Variants in OSBPL1A observed in about 807,000 individuals in gnomAD.
The protein encoded by OSBPL1A is oxysterol-binding protein-related protein 1.
OSBPL1A carries 80 observed loss-of-function variants against 137.1 expected under a neutral mutation model. That is an observed-to-expected ratio of 0.58 (90% CI 0.49 to 0.70). The LOEUF is 0.70. Ranked by LOEUF, OSBPL1A falls within the 30% of genes least tolerant of loss-of-function variation. The pLI is 0.00. For synonymous variants in OSBPL1A, 365 were observed against 389.7 expected (o/e 0.94, Z 0.75); for missense variants, 970 against 1,129.4 (o/e 0.86, Z 2.02).
chr18:24,291,001 C>T (rs1331440393), intron 14 of OSBPL1A, among the ~76,000 whole-genome samples: 1 of 152,164 alleles, frequency 6.6e-6, no homozygotes, highest in African/African-American at 2.4e-5. Context: ...GAAACCTTTA[C>T]AGCCTCAACA....
At chr18:24,209,860 C>T (rs1042974904) in intron 17 of OSBPL1A, among the ~76,000 whole-genome samples, 5 of 152,114 alleles carry the variant, frequency 3.3e-5, no homozygotes, top group Non-Finnish European at 1.5e-5. Flanking sequence ...TGGCTGTCTA[C>T]GGAGAGTGGG....
intron 21 of OSBPL1A, 33 bp from the exon 22 acceptor site, chr18:24,172,516 T>G (rs1414694653): frequency 6.8e-7 from 1 of 1,463,278 alleles, no homozygotes; most frequent in East Asian, 2.3e-5. Context: ...GAAGCATAAG[T>G]GAGAGGTATC....
At chr18:24,261,584 GC>G (rs1308389133) in intron 15 of OSBPL1A, among the ~76,000 whole-genome samples, 1 of 152,178 alleles carries the variant, frequency 6.6e-6, no homozygotes, top group Admixed American at 6.5e-5. Flanking sequence ...CGTAATCCCA[GC>G]ACTCTGGGAG....
At chr18:24,188,860 T>A (rs954559356) in intron 18 of OSBPL1A, among the ~76,000 whole-genome samples, 1 of 152,212 alleles carries the variant, frequency 6.6e-6, no homozygotes, top group Non-Finnish European at 1.5e-5. Flanking sequence ...TCTTGAAAAT[T>A]CACTGATACA....
intron 1 of OSBPL1A, among the ~76,000 whole-genome samples, chr18:24,384,957 ATTT>A (rs199508399): frequency 6.9e-6 from 1 of 143,944 alleles, no homozygotes; most frequent in Admixed American, 6.9e-5. Context: ...ATAGGTTAGA[ATTT>A]TTTTTTTTTT....
chr18:24,322,674 C>T (rs1387603459), intron 7 of OSBPL1A, among the ~76,000 whole-genome samples: 1 of 152,064 alleles, frequency 6.6e-6, no homozygotes, highest in Non-Finnish European at 1.5e-5. Context: ...GAGAGAAAGA[C>T]AACACTATGA....
intron 14 of OSBPL1A, among the ~76,000 whole-genome samples, chr18:24,281,693 A>C (rs1246550011): frequency 1.3e-5 from 2 of 152,184 alleles, no homozygotes; most frequent in Non-Finnish European, 2.9e-5. Flanking sequence ...ACCCAGCCTC[A>C]TGTTTCTTGG....
chr18:24,174,324 T>G (rs1441535314), intron 21 of OSBPL1A, among the ~76,000 whole-genome samples: 1 of 152,208 alleles, frequency 6.6e-6, no homozygotes, highest in Non-Finnish European at 1.5e-5. Context: ...CCAGGGTGGC[T>G]CTACCATTTT....
At chr18:24,212,428 T>G (rs2087572310) in intron 17 of OSBPL1A, among the ~76,000 whole-genome samples, 4 of 152,134 alleles carry the variant, frequency 2.6e-5, no homozygotes, top group Admixed American at 2.0e-4. Flanking sequence ...TAAGATAGTC[T>G]GAAACAAATA....
chr18:24,250,165 TG>T (rs1297063255), intron 15 of OSBPL1A, among the ~76,000 whole-genome samples: 3 of 55,376 alleles, frequency 5.4e-5, no homozygotes, highest in Non-Finnish European at 7.7e-5. Flanking sequence ...TTTGTTTGTT[TG>T]TTTGTTTGTT....
chr18:24,282,186 A>T (rs1002503643), intron 14 of OSBPL1A, among the ~76,000 whole-genome samples: 9 of 152,130 alleles, frequency 5.9e-5, no homozygotes, highest in African/African-American at 2.2e-4. Context: ...AGACAAAAAA[A>T]AAAGTTTACA....
At chr18:24,367,110 A>T (rs2091713929) in intron 3 of OSBPL1A, 144 bp from the exon 4 acceptor site, 3 of 674,698 alleles carry the variant, frequency 4.4e-6, no homozygotes, top group South Asian at 7.1e-5. Context: ...TAAAGTAACA[A>T]TAAAAAGCCA....
At chr18:24,331,665 G>T (rs2091080955) in intron 7 of OSBPL1A, among the ~76,000 whole-genome samples, 1 of 150,634 alleles carries the variant, frequency 6.6e-6, no homozygotes, top group African/African-American at 2.5e-5. Flanking sequence ...CAAAGTGCTG[G>T]GATTACAGGC....
intron 19 of OSBPL1A, 54 bp from the exon 20 acceptor site, chr18:24,179,889 C>CT: frequency 7.1e-7 from 1 of 1,402,064 alleles, no homozygotes; most frequent in Non-Finnish European, 1.0e-6. Flanking sequence ...GCTCCGCATT[C>CT]TTTTAGGAAC....
At chr18:24,338,523 A>G in intron 5 of OSBPL1A, among the ~76,000 whole-genome samples, 1 of 152,140 alleles carries the variant, frequency 6.6e-6, no homozygotes, top group Non-Finnish European at 1.5e-5. Context: ...ATCGGACCCA[A>G]AGATAAACTC....
chr18:24,235,454 T>C (rs2088438537), intron 16 of OSBPL1A, among the ~76,000 whole-genome samples: 1 of 152,172 alleles, frequency 6.6e-6, no homozygotes, highest in Admixed American at 6.5e-5. Flanking sequence ...AGCCTTCAGC[T>C]TGAGTACCTA....
chr18:24,372,513 A>G (rs1905737029), intron 2 of OSBPL1A, among the ~76,000 whole-genome samples: 1 of 152,138 alleles, frequency 6.6e-6, no homozygotes. Flanking sequence ...CCACATGTGT[A>G]TTCACAATGG....
intron 15 of OSBPL1A, among the ~76,000 whole-genome samples, chr18:24,260,983 C>T (rs780663576): frequency 1.3e-5 from 2 of 151,624 alleles, no homozygotes; most frequent in African/African-American, 4.8e-5. Flanking sequence ...TTATAATATC[C>T]CCAAACTGGA....
intron 17 of OSBPL1A, among the ~76,000 whole-genome samples, chr18:24,223,630 GA>G (rs1178375415): frequency 5.3e-5 from 8 of 152,226 alleles, no homozygotes; most frequent in African/African-American, 1.9e-4. Context: ...TTAGAACACA[GA>G]ATGTATGAAT....
Sources: gnomAD v4.1 joint callset for allele counts (sites outside exome capture counted in the v4.1 genomes callset) on GRCh38, gnomAD v4.1.1 for gene constraint, MANE v1.5 for transcripts, NCBI Gene and HGNC (gene_info 2026-07-23, HGNC 2026-07-21) for gene names.